SLCO4C1: variants seen among roughly 807,000 people sequenced by gnomAD.
SLCO4C1 encodes the protein solute carrier organic anion transporter family member 4C1.
SLCO4C1 carries 58 observed loss-of-function variants against 72.1 expected under a neutral mutation model. The observed-to-expected ratio is 0.80, with a 90% CI of 0.65 to 1.00. SLCO4C1 has a LOEUF of 1.00. SLCO4C1 is among the 50% of genes least tolerant of loss of function. The probability of loss-of-function intolerance (pLI) is 0.00; values close to 1 mark genes in which losing one functional copy is unlikely to be tolerated. For synonymous variants in SLCO4C1, 297 were observed against 312.5 expected (o/e 0.95, Z 0.52); for missense variants, 898 against 857.9 (o/e 1.05, Z -0.58).
Position 102,239,355 on chromosome 5 carries a change from G to A in SLCO4C1, c.1910C>T (p.Thr637Ile). The A allele has an allele frequency of 1.9e-6, 3 of 1,594,576 alleles. No homozygotes were observed. The highest frequency in any genetic ancestry group is 2.6e-6 in the Non-Finnish European group (3 of 1,171,300). Residue 637 changes from threonine to isoleucine, a missense_variant, in exon 12 of 13, where the codon ACA (threonine) becomes ATA (isoleucine). Coordinates refer to ENST00000310954, the MANE Select transcript of SLCO4C1 (RefSeq NM_180991.5). ...CCAAAGAATACATGTGCTGTCTATT[G>A]TGAAACCAAATATAATTGGTCCAGG... is the stretch of plus-strand genomic sequence containing the variant. ...TIPGPIIFGF[T>I]IDSTCILWDI...
rs3995237 is a variant in SLCO4C1 at position 102,236,605 on chromosome 5, CGTGTGTGT to C, written c.*245_*252del. 3 of 286,790 alleles carry C rather than the reference CGTGTGTGT, an allele frequency of 1.0e-5. No individual in the cohort carries two copies. The highest frequency in any genetic ancestry group is 8.8e-5 in the East Asian group (1 of 11,332). 17.8% of individuals were successfully genotyped at this position (286,790 alleles called of 1,614,324 possible). On this transcript the variant is annotated 3_prime_UTR_variant, in exon 13 of 13. Transcript: ENST00000310954. ...GCGTGTGTGTGTGTGTGTGTGTGTT[CGTGTGTGT>C]GTGTGTGTGTGTGCTCGTGTGTGTG...
intron 1 of SLCO4C1, among the ~76,000 whole-genome samples, chr5:102,294,439 T>C (rs1749610643): frequency 6.6e-6 from 1 of 152,094 alleles, no homozygotes; most frequent in Non-Finnish European, 1.5e-5. Flanking sequence ...TTTCTAGGAG[T>C]GACAATTACA....
At chr5:102,278,839 C>T (rs1749302285) in intron 2 of SLCO4C1, among the ~76,000 whole-genome samples, 1 of 151,484 alleles carries the variant, frequency 6.6e-6, no homozygotes, top group South Asian at 2.1e-4. Flanking sequence ...AAATACAACT[C>T]AAGCAGTACT....
At chr5:102,274,412 A>G (rs528500591) in intron 2 of SLCO4C1, among the ~76,000 whole-genome samples, 1 of 152,300 alleles carries the variant, frequency 6.6e-6, no homozygotes, top group East Asian at 1.9e-4. Context: ...TCCACATACC[A>G]TATGTCAAAA....
chr5:102,265,514 T>A (rs1417556793), intron 3 of SLCO4C1, among the ~76,000 whole-genome samples: 1 of 152,132 alleles, frequency 6.6e-6, no homozygotes, highest in East Asian at 1.9e-4. Context: ...GAGATAGGGG[T>A]CTAGTTGTAT....
In SLCO4C1 at chr5:102,234,014, T is replaced by C. The variant is rs1396695065; in HGVS notation, c.*2844A>G. ...TGTATAAACATTCTGATTTAATAAATGGTATGAATATATATTTTGCATACT... is the reference window on the plus strand; with the variant it reads ...TGTATAAACATTCTGATTTAATAAACGGTATGAATATATATTTTGCATACT... On this transcript the variant is annotated 3_prime_UTR_variant, in exon 13 of 13. Coordinates refer to ENST00000310954, the MANE Select transcript of SLCO4C1 (RefSeq NM_180991.5). 2 of 152,182 alleles carry C rather than the reference T, an allele frequency of 1.3e-5. No individual in the cohort carries two copies. The highest frequency in any genetic ancestry group is 2.9e-5 in the Non-Finnish European group (2 of 67,990). 9.4% of individuals were successfully genotyped at this position (152,182 alleles called of 1,614,324 possible).
chr5:102,285,210 C>T (rs1482749433), intron 2 of SLCO4C1, among the ~76,000 whole-genome samples: 1 of 99,678 alleles, frequency 1.0e-5, no homozygotes, highest in African/African-American at 4.2e-5. Flanking sequence ...CATATATATA[C>T]ATACACACAC....
chr5:102,258,604 T>C lies in SLCO4C1; in HGVS notation c.1129-517A>G, dbSNP rs1045998952. Among the ~76,000 whole-genome samples the C allele has an allele frequency of 6.6e-5, 10 of 152,292 alleles. No homozygotes were observed. The East Asian group carries it at 1.5e-3, about 24-fold the overall frequency. On this transcript the variant is annotated intron_variant, in intron 6 of 12. Transcript: ENST00000310954. ...AAGCAACTTTAAATAGGTGTCTATA[T>C]GGCTAGACCTCTCATAATCTTATTT... is the stretch of plus-strand genomic sequence containing the variant.
intron 2 of SLCO4C1, among the ~76,000 whole-genome samples, chr5:102,276,082 A>G (rs1350003301): frequency 6.6e-6 from 1 of 152,184 alleles, no homozygotes; most frequent in Non-Finnish European, 1.5e-5. Context: ...GCAAACTCCT[A>G]TTAGCTAACC....
Position 102,296,078 on chromosome 5 carries a change from G to T in SLCO4C1, c.185C>A (p.Ser62Tyr). The T allele has an allele frequency of 3.7e-6, 6 of 1,614,222 alleles. No homozygotes were observed. The highest frequency in any genetic ancestry group is 5.1e-6 in the Non-Finnish European group (6 of 1,180,012). Residue 62 changes from serine to tyrosine, a missense_variant, in exon 1 of 13, where the codon TCT (serine) becomes TAT (tyrosine). Physicochemically the swap from Ser to Tyr is moderately radical, Grantham distance 144. Transcript: ENST00000310954. ...GACATTGGGAGGGGCTGAAGGCAGA[G>T]ATGGCTCTGGTGACTTCTGGGGCTC... is the stretch of plus-strand genomic sequence containing the variant. ...PQEPQKSPEP[S>Y]LPSAPPNVSE...
At position 102,242,654 on chromosome 5, in the gene SLCO4C1, A is replaced by T. The variant is rs536721116; in HGVS notation, c.1812-1872T>A. Among the ~76,000 whole-genome samples the T allele has an allele frequency of 3.3e-3, 504 of 152,184 alleles. 6 individuals are homozygous for T. The highest frequency in any genetic ancestry group is 0.012 in the African/African-American group (491 of 41,528). On this transcript the variant is annotated intron_variant, in intron 10 of 12. Transcript: ENST00000310954. ...ACACCAGTCCTGACAGCGTTCATAT[A>T]CTTTTAAGTCATGAAGAGCCCTTGG...
chr5:102,263,473 AT>A (rs1748978905), intron 4 of SLCO4C1, among the ~76,000 whole-genome samples: 1 of 152,114 alleles, frequency 6.6e-6, no homozygotes, highest in South Asian at 2.1e-4. Context: ...TTATGAAAAT[AT>A]GTTATTATAA....
At chr5:102,246,029 T>C (rs1055739826) in intron 10 of SLCO4C1, among the ~76,000 whole-genome samples, 9 of 151,770 alleles carry the variant, frequency 5.9e-5, no homozygotes, top group Non-Finnish European at 1.0e-4. Flanking sequence ...CTATGGGATA[T>C]AGCAAAAGAA....
intron 10 of SLCO4C1, among the ~76,000 whole-genome samples, chr5:102,245,678 T>C (rs1397625371): frequency 6.6e-6 from 1 of 152,204 alleles, no homozygotes; most frequent in Non-Finnish European, 1.5e-5. Flanking sequence ...TAATCTGTAC[T>C]ATAGACCAAA....
chr5:102,253,152 T>C (rs1341150835), intron 8 of SLCO4C1, among the ~76,000 whole-genome samples: 1 of 152,176 alleles, frequency 6.6e-6, no homozygotes, highest in Non-Finnish European at 1.5e-5. Context: ...CTATATTCTA[T>C]GAGGTTTTAA....
At chr5:102,290,535 A>G (rs1749532545) in intron 2 of SLCO4C1, among the ~76,000 whole-genome samples, 1 of 152,300 alleles carries the variant, frequency 6.6e-6, no homozygotes, top group South Asian at 2.1e-4. Flanking sequence ...CAAATCTAAC[A>G]ATCTTAACTT....
chr5:102,295,530 T>C (rs1007792395), intron 1 of SLCO4C1, among the ~76,000 whole-genome samples: 9 of 152,192 alleles, frequency 5.9e-5, no homozygotes, highest in South Asian at 2.1e-4. Context: ...TAAAATACCT[T>C]TAAAGAGTGC....
At chr5:102,290,282 C>A (rs1006684571) in intron 2 of SLCO4C1, among the ~76,000 whole-genome samples, 1 of 152,188 alleles carries the variant, frequency 6.6e-6, no homozygotes, top group African/African-American at 2.4e-5. Flanking sequence ...AACTCCTGAG[C>A]TCAAGGGATT....
At chr5:102,261,247 T>C (rs1748936600) in intron 5 of SLCO4C1, among the ~76,000 whole-genome samples, 1 of 151,948 alleles carries the variant, frequency 6.6e-6, no homozygotes, top group African/African-American at 2.4e-5. Flanking sequence ...ACCCCATCTC[T>C]AATAAAAATA....
Sources: gnomAD v4.1 joint callset for allele counts (sites outside exome capture counted in the v4.1 genomes callset) on GRCh38, gnomAD v4.1.1 for gene constraint, MANE v1.5 for transcripts, NCBI Gene and HGNC (gene_info 2026-07-23, HGNC 2026-07-21) for gene names.